The following PDE1A variants were observed in gnomAD, a reference collection of about 807,000 sequenced individuals.
PDE1A encodes the protein dual specificity calcium/calmodulin-dependent 3',5'-cyclic nucleotide phosphodiesterase 1A.
Under a neutral mutation model 61.7 loss-of-function variants are expected in PDE1A, and 35 were observed. That is an observed-to-expected ratio of 0.57 (90% CI 0.43 to 0.75). PDE1A has a LOEUF of 0.75. PDE1A is among the 30% of genes least tolerant of loss of function. PDE1A has a pLI of 0.00. For missense variants in PDE1A, 597 were observed against 630.6 expected, an observed-to-expected ratio of 0.95 and a Z score of 0.57; for synonymous variants, 232 against 213.2, an observed-to-expected ratio of 1.09 and a Z score of -0.77.
Position 182,297,448 on chromosome 2 carries a change from T to C in PDE1A, c.54-33034A>G, listed in dbSNP as rs373126848. On this transcript the variant is annotated intron_variant, in intron 1 of 13. Transcript: ENST00000351439. ...AGGAGGTCTGATCATTAAATTGGAT[T>C]GGGGCTCATTTTTATAAAGCCACTT... Among the ~76,000 whole-genome samples the C allele has an allele frequency of 3.3e-5, 5 of 152,192 alleles. No individual in the cohort carries two copies. In the East Asian group the frequency reaches 5.8e-4, roughly 18 times the overall value.
intron 2 of PDE1A, among the ~76,000 whole-genome samples, chr2:182,250,868 G>C (rs1366554503): frequency 6.6e-6 from 1 of 152,216 alleles, no homozygotes; most frequent in Admixed American, 6.5e-5. Flanking sequence ...GGTGGAGGCA[G>C]TGGAGGTCCT....
intron 2 of PDE1A, among the ~76,000 whole-genome samples, chr2:182,254,523 C>T (rs1691633515): frequency 6.6e-6 from 1 of 152,162 alleles, no homozygotes; most frequent in Admixed American, 6.5e-5. Context: ...AAGCAGTTTC[C>T]TCCTGTCACC....
At chr2:182,270,824 T>C (rs79220928) in intron 1 of PDE1A, among the ~76,000 whole-genome samples, 46 of 151,896 alleles carry the variant, frequency 3.0e-4, no homozygotes, top group African/African-American at 9.6e-4. Context: ...TCATTTTCAG[T>C]AAGTCCTGCT....
chr2:182,488,876 G>A (rs1688194935), intron 2 of PDE1A, among the ~76,000 whole-genome samples: 1 of 152,162 alleles, frequency 6.6e-6, no homozygotes, highest in Admixed American at 6.5e-5. Context: ...TGTCAACCAG[G>A]TGTTGCAGGA....
At chr2:182,472,855 C>T (rs1298799761) in intron 2 of PDE1A, among the ~76,000 whole-genome samples, 1 of 151,760 alleles carries the variant, frequency 6.6e-6, no homozygotes, top group African/African-American at 2.4e-5. Context: ...TAAATAAATA[C>T]ATTTAGAGCC....
the PDE1A span, among the ~76,000 whole-genome samples, chr2:182,614,108 G>T: frequency 2.6e-5 from 4 of 152,312 alleles, no homozygotes; most frequent in Non-Finnish European, 4.4e-5. Context: ...AATAAACTTA[G>T]CTTCAATTTA....
At chr2:182,392,591 CAA>C (rs1234114963) in intron 1 of PDE1A, among the ~76,000 whole-genome samples, 2 of 143,992 alleles carry the variant, frequency 1.4e-5, no homozygotes, top group African/African-American at 2.4e-5. Flanking sequence ...GTCCACAGTC[CAA>C]AGTCTCATCT....
chr2:182,193,207 C>G (rs774782483), intron 10 of PDE1A, among the ~76,000 whole-genome samples: 2 of 151,980 alleles, frequency 1.3e-5, no homozygotes, highest in African/African-American at 2.4e-5. Flanking sequence ...AGGTTGGTCT[C>G]GAACTCCTGA....
At chr2:182,212,942 G>A (rs1022320981) in intron 7 of PDE1A, among the ~76,000 whole-genome samples, 2 of 151,356 alleles carry the variant, frequency 1.3e-5, no homozygotes, top group African/African-American at 4.9e-5. Context: ...GCCTGCCTCT[G>A]TAGGCCCCAC....
At chr2:182,603,714 T>C in the PDE1A span, among the ~76,000 whole-genome samples, 1 of 152,236 alleles carries the variant, frequency 6.6e-6, no homozygotes, top group Non-Finnish European at 1.5e-5. Flanking sequence ...TTTGGATGTT[T>C]ACACTGAAAT....
intron 1 of PDE1A, among the ~76,000 whole-genome samples, chr2:182,330,746 C>A (rs1272517618): frequency 6.6e-6 from 1 of 152,158 alleles, no homozygotes; most frequent in Non-Finnish European, 1.5e-5. Context: ...TTTTAGTCCT[C>A]AAAATATAAA....
the PDE1A span, among the ~76,000 whole-genome samples, chr2:182,646,512 A>C: frequency 3.3e-5 from 5 of 151,958 alleles, no homozygotes; most frequent in Non-Finnish European, 5.9e-5. Context: ...ACACAGTGAA[A>C]TCATGTCTCT....
At chr2:182,225,000 C>G in intron 6 of PDE1A, among the ~76,000 whole-genome samples, 1 of 151,764 alleles carries the variant, frequency 6.6e-6, no homozygotes, top group South Asian at 2.1e-4. Context: ...AAAGACTTTG[C>G]GAAAAACAAC....
At chr2:182,282,155 A>G (rs965219696) in intron 1 of PDE1A, among the ~76,000 whole-genome samples, 4 of 151,954 alleles carry the variant, frequency 2.6e-5, no homozygotes, top group Non-Finnish European at 5.9e-5. Context: ...ATATTTAAGC[A>G]TAATCCTAAT....
the PDE1A span, among the ~76,000 whole-genome samples, chr2:182,552,877 G>A: frequency 1.2e-4 from 18 of 151,994 alleles, no homozygotes; most frequent in African/African-American, 3.4e-4. Flanking sequence ...TGTTTGTTAC[G>A]GCTCGAGCTG....
chr2:182,194,702 C>A (rs1053651126), intron 10 of PDE1A, among the ~76,000 whole-genome samples: 1 of 151,924 alleles, frequency 6.6e-6, no homozygotes, highest in East Asian at 1.9e-4. Flanking sequence ...AATGGGATAA[C>A]GTTGATGGGA....
chr2:182,264,313 A>G lies in PDE1A; in HGVS notation c.155T>C (p.Ile52Thr), dbSNP rs756644455. 3.7e-6 allele frequency: 6 copies of G among 1,608,700 alleles called. No individual in the cohort carries two copies. The East Asian group carries it at 1.3e-4, about 36-fold the overall frequency. Residue 52 changes from isoleucine to threonine, a missense_variant, in exon 2 of 14, where the codon ATC (isoleucine) becomes ACC (threonine). By Grantham distance (89) the Ile-to-Thr change is moderately conservative. Transcript: ENST00000351439. ...GGTTAAAACTTACCTTGTTTCATCG[A>G]TATAAACTGCTTCCAGCACAGATGC...
chr2:182,552,337 C>T, the PDE1A span, among the ~76,000 whole-genome samples: 2 of 152,136 alleles, frequency 1.3e-5, no homozygotes, highest in African/African-American at 4.8e-5. Context: ...ACATGCTCTT[C>T]CTTGACACAG....
chr2:182,291,467 A>G, intron 1 of PDE1A, among the ~76,000 whole-genome samples: 1 of 152,092 alleles, frequency 6.6e-6, no homozygotes, highest in East Asian at 1.9e-4. Context: ...TATTTACCAC[A>G]CTGGTATGAT....
Sources: gnomAD v4.1 joint callset for allele counts (sites outside exome capture counted in the v4.1 genomes callset) on GRCh38, gnomAD v4.1.1 for gene constraint, MANE v1.5 for transcripts, NCBI Gene and HGNC (gene_info 2026-07-23, HGNC 2026-07-21) for gene names.